ADGRL2: variants seen among roughly 807,000 people sequenced by gnomAD.
The protein encoded by ADGRL2 is calcium-independent alpha-latrotoxin receptor 2.
A neutral mutation model predicts 157.4 loss-of-function variants in ADGRL2; 44 were observed. That is an observed-to-expected ratio of 0.28 (90% CI 0.22 to 0.36). ADGRL2 has a LOEUF of 0.36. Among genes scored for constraint, ADGRL2 ranks in the 10% least tolerant of loss-of-function variants. The pLI is 1.00. For missense variants in ADGRL2, 1,510 were observed against 1,768.9 expected, an observed-to-expected ratio of 0.85 and a Z score of 2.63; for synonymous variants, 585 against 624.7, an observed-to-expected ratio of 0.94 and a Z score of 0.95.
At position 81,972,594 on chromosome 1, in the gene ADGRL2, G is replaced by A. The variant is rs537756086; in HGVS notation, c.3021+676G>A. 1.8e-3 allele frequency among the ~76,000 whole-genome samples: 276 copies of A among 152,140 alleles called. 2 individuals carry two copies. Among genetic ancestry groups the A allele is most frequent in the Middle Eastern group, 0.014 (4 of 294 alleles). Reference sequence around the variant, plus strand: ...GTTGAAATAAAGGAGTGTAGCTACAGTATCTAGACTTTGGTATTTAAAACT... The same window carrying A: ...GTTGAAATAAAGGAGTGTAGCTACAATATCTAGACTTTGGTATTTAAAACT... On this transcript the variant is annotated intron_variant, in intron 17 of 23. Transcript: ENST00000686636.
chr1:81,811,218 A>T (rs1289231800), intron 1 of ADGRL2, among the ~76,000 whole-genome samples: 1 of 151,926 alleles, frequency 6.6e-6, no homozygotes, highest in African/African-American at 2.4e-5. Flanking sequence ...TTGGGAAAAG[A>T]TATAACTGAT....
At chr1:81,372,159 T>A (rs2076171224) in intron 1 of ADGRL2, among the ~76,000 whole-genome samples, 1 of 152,206 alleles carries the variant, frequency 6.6e-6, no homozygotes, top group African/African-American at 2.4e-5. Flanking sequence ...GGTAGAACCT[T>A]ACAAATTCTA....
rs1557523647 is a variant in ADGRL2 at position 81,634,527 on chromosome 1, G to GTT, written c.-143+53553_-143+53554dup. ...TAGCTATCTTGTTTTTTTTTTTTTG[G>GTT]TTTTTTTGTTTGTTTGTTTGTTTTT... is the stretch of plus-strand genomic sequence containing the variant. On this transcript the variant is annotated intron_variant, in intron 3 of 24. Coordinates refer to the ADGRL2 transcript ENST00000370721. Among the ~76,000 whole-genome samples the GTT allele has an allele frequency of 9.9e-4, 115 of 116,142 alleles. 1 individual carries two copies. Among genetic ancestry groups the GTT allele is most frequent in the Middle Eastern group, 4.9e-3 (1 of 206 alleles). 76.2% of individuals were successfully genotyped at this position (116,142 alleles called of 152,430 possible).
chr1:81,950,975 A>G, intron 7 of ADGRL2, 43 bp from the exon 8 acceptor site: 1 of 1,306,704 alleles, frequency 7.7e-7, no homozygotes, highest in Non-Finnish European at 1.1e-6. Context: ...TGCATGCAGA[A>G]AAATGGTTTC....
intron 2 of ADGRL2, among the ~76,000 whole-genome samples, chr1:81,468,574 A>G (rs1195211368): frequency 6.6e-6 from 1 of 152,216 alleles, no homozygotes; most frequent in Admixed American, 6.5e-5. Context: ...AAAACGTATT[A>G]TTTGAAGTCA....
At chr1:81,603,231 C>T (rs1212227448) in intron 3 of ADGRL2, among the ~76,000 whole-genome samples, 1 of 152,122 alleles carries the variant, frequency 6.6e-6, no homozygotes, top group Admixed American at 6.5e-5. Context: ...CTCTCATAAC[C>T]CAAACCCGAG....
At chr1:81,351,653 G>A (rs1241905067) in intron 1 of ADGRL2, among the ~76,000 whole-genome samples, 1 of 152,050 alleles carries the variant, frequency 6.6e-6, no homozygotes, top group East Asian at 1.9e-4. Context: ...AAACCAGCAA[G>A]TATGTGGAAG....
chr1:81,875,561 T>C (rs1380623320), intron 2 of ADGRL2, among the ~76,000 whole-genome samples: 2 of 152,200 alleles, frequency 1.3e-5, no homozygotes, highest in African/African-American at 4.8e-5. Flanking sequence ...TATTGCACCA[T>C]ATTGTGACCA....
chr1:81,970,370 T>C lies in ADGRL2; in HGVS notation c.2790T>C (p.Ala930=), dbSNP rs772576274. ...ACTTTTTCTTTTTGGCAGCTTTTGC[T>C]TGGATGTGCCTAGAAGGTGTGCAGC... ...LLHFFFLAAF[A]WMCLEGVQLY... The change falls in exon 16 of 24, where the codon GCT becomes GCC. Residue 930 remains alanine, a synonymous_variant. Coordinates refer to ENST00000686636, the MANE Select transcript of ADGRL2 (RefSeq NM_001366006.2). 6.9e-6 allele frequency: 11 copies of C among 1,597,992 alleles called. No individual in the cohort carries two copies. Among genetic ancestry groups the C allele is most frequent in the Non-Finnish European group, 9.4e-6 (11 of 1,175,410 alleles).
chr1:81,565,774 G>C (rs1420892722), intron 2 of ADGRL2, among the ~76,000 whole-genome samples: 5 of 152,196 alleles, frequency 3.3e-5, no homozygotes, highest in Admixed American at 3.3e-4. Context: ...TAGTGGCCCA[G>C]ATTGAAATCT....
intron 21 of ADGRL2, 107 bp downstream of exon 21, chr1:81,985,462 G>GGAT (rs1662881194): frequency 1.7e-6 from 1 of 571,926 alleles, no homozygotes; most frequent in Middle Eastern, 4.5e-4. Context: ...TGCATTAACA[G>GGAT]GATGCGGCTC....
chr1:81,897,884 C>T (rs1233714634), intron 2 of ADGRL2, among the ~76,000 whole-genome samples: 7 of 152,116 alleles, frequency 4.6e-5, no homozygotes, highest in South Asian at 2.1e-4. Context: ...TAACATTCTT[C>T]TTAGAAAAAA....
intron 3 of ADGRL2, among the ~76,000 whole-genome samples, chr1:81,671,027 A>G (rs923202898): frequency 2.0e-5 from 3 of 152,188 alleles, no homozygotes; most frequent in Non-Finnish European, 4.4e-5. Flanking sequence ...TTGATTTTTA[A>G]TAAGCCATAT....
chr1:81,733,985 C>T (rs984563612), intron 1 of ADGRL2, among the ~76,000 whole-genome samples: 12 of 151,976 alleles, frequency 7.9e-5, no homozygotes, highest in Admixed American at 5.2e-4. Flanking sequence ...TGAACTTAAA[C>T]GTTAAAAAAG....
At chr1:81,722,941 G>A in intron 1 of ADGRL2, 1 of 757,668 alleles carries the variant, frequency 1.3e-6, no homozygotes, top group East Asian at 2.5e-5. Context: ...TTGCAGACAT[G>A]CAGGATCCAG....
At chr1:81,372,194 G>T (rs66896425) in intron 1 of ADGRL2, among the ~76,000 whole-genome samples, 31,211 of 152,040 alleles carry the variant, frequency 0.21, 3,857 homozygotes, top group Middle Eastern at 0.35. Flanking sequence ...TTTAAAATGG[G>T]AAACTATTAC....
intron 1 of ADGRL2, among the ~76,000 whole-genome samples, chr1:81,713,592 A>G (rs1416481172): frequency 6.6e-6 from 1 of 152,226 alleles, no homozygotes; most frequent in Non-Finnish European, 1.5e-5. Context: ...TAAACTGCAC[A>G]GCAATCTTGT....
In ADGRL2 at chr1:81,362,335, CA is replaced by C. The variant is rs2075993023; in HGVS notation, c.-302+55829del. On this transcript the variant is annotated intron_variant, in intron 1 of 24. Coordinates refer to the ADGRL2 transcript ENST00000370721. ...GAGCTGGTTAAATCCTTGTTTCTCC[CA>C]AAGAACTCTTTTCATTATGTTCAAG... Among the ~76,000 whole-genome samples the C allele has an allele frequency of 2.6e-5, 4 of 151,744 alleles. No individual in the cohort carries two copies. The South Asian group carries it at 8.3e-4, about 31-fold the overall frequency.
At chr1:81,557,989 T>C (rs1448285719) in intron 2 of ADGRL2, among the ~76,000 whole-genome samples, 1 of 152,200 alleles carries the variant, frequency 6.6e-6, no homozygotes, top group Non-Finnish European at 1.5e-5. Context: ...TACATAATAT[T>C]TATACGGTAA....
Sources: gnomAD v4.1 joint callset for allele counts (sites outside exome capture counted in the v4.1 genomes callset) on GRCh38, gnomAD v4.1.1 for gene constraint, MANE v1.5 for transcripts, NCBI Gene and HGNC (gene_info 2026-07-23, HGNC 2026-07-21) for gene names.